TENT4B: variants seen among roughly 807,000 people sequenced by gnomAD.
The protein encoded by TENT4B is terminal nucleotidyltransferase 4B.
TENT4B carries 10 observed loss-of-function variants against 75.0 expected under a neutral mutation model. The ratio of observed to expected loss-of-function variants is 0.13; its 90% CI spans 0.08 to 0.23. The LOEUF is 0.23. Among genes scored for constraint, TENT4B ranks in the 10% least tolerant of loss-of-function variants. The probability of loss-of-function intolerance (pLI) is 1.00; values close to 1 mark genes in which losing one functional copy is unlikely to be tolerated. For missense variants in TENT4B, 579 were observed against 893.8 expected (o/e 0.65, Z 4.49); for synonymous variants, 350 against 357.7 (o/e 0.98, Z 0.24).
At chr16:50,199,800 G>A (rs1253087000) in intron 1 of TENT4B, among the ~76,000 whole-genome samples, 1 of 152,080 alleles carries the variant, frequency 6.6e-6, no homozygotes, top group African/African-American at 2.4e-5. Context: ...TCCAAGTTTT[G>A]ATAATTTAAA....
intron 10 of TENT4B, among the ~76,000 whole-genome samples, chr16:50,226,696 G>A (rs542975220): frequency 1.6e-4 from 24 of 152,140 alleles, no homozygotes; most frequent in Non-Finnish European, 1.3e-4. Context: ...GATTACAGGC[G>A]TGAGCCACCA....
At chr16:50,228,147 T>C in intron 11 of TENT4B, 144 bp downstream of exon 11, 2 of 1,028,520 alleles carry the variant, frequency 1.9e-6, no homozygotes, top group Non-Finnish European at 2.8e-6. Flanking sequence ...TTCCAACACA[T>C]GACAGTGCTT....
At chr16:50,215,422 T>C (rs550998164) in intron 3 of TENT4B, among the ~76,000 whole-genome samples, 6 of 152,312 alleles carry the variant, frequency 3.9e-5, no homozygotes, top group Non-Finnish European at 8.8e-5. Context: ...ATTTAGGTTG[T>C]CAGCATCAGT....
chr16:50,161,159 G>T (rs974407918), intron 1 of TENT4B, among the ~76,000 whole-genome samples: 4 of 152,190 alleles, frequency 2.6e-5, no homozygotes, highest in Admixed American at 6.5e-5. Flanking sequence ...CTATTCTTAA[G>T]ATTACACGTA....
Position 50,181,887 on chromosome 16 carries a change from C to T in TENT4B, c.638+27628C>T, listed in dbSNP as rs144501145. Among the ~76,000 whole-genome samples, 16 of 152,278 alleles carry T rather than the reference C, an allele frequency of 1.1e-4. No individual in the cohort carries two copies. In the East Asian group the frequency reaches 2.7e-3, roughly 26 times the overall value. ...TGTGTGCTAGTCACTGACCTGGAAACATTTTATTAAAAATGCTAGATTAGG... is the reference window on the plus strand; with the variant it reads ...TGTGTGCTAGTCACTGACCTGGAAATATTTTATTAAAAATGCTAGATTAGG... On this transcript the variant is annotated intron_variant, in intron 1 of 11. Coordinates refer to ENST00000561678, the MANE Select transcript of TENT4B (RefSeq NM_001365324.3).
intron 1 of TENT4B, among the ~76,000 whole-genome samples, chr16:50,161,327 A>G (rs1297369700): frequency 6.6e-6 from 1 of 152,202 alleles, no homozygotes; most frequent in Non-Finnish European, 1.5e-5. Context: ...TTTTTGGGAA[A>G]AAAGCTGAAT....
intron 1 of TENT4B, among the ~76,000 whole-genome samples, chr16:50,158,684 C>G (rs2037946910): frequency 6.6e-6 from 1 of 152,128 alleles, no homozygotes; most frequent in South Asian, 2.1e-4. Flanking sequence ...GCTGTACTGC[C>G]AGATCTGTAG....
At chr16:50,159,168 A>G (rs185569224) in intron 1 of TENT4B, among the ~76,000 whole-genome samples, 2 of 151,714 alleles carry the variant, frequency 1.3e-5, no homozygotes, top group African/African-American at 4.8e-5. Flanking sequence ...GCCTTTTTTC[A>G]GCACTGCATT....
Position 50,229,546 on chromosome 16 carries a change from A to T in TENT4B, c.*218A>T. The stretch of plus-strand genomic sequence containing the variant: ...AAAAAAGCAAGCAAAAAAGAGGGAA[A>T]AAAAAGGCTGCTTATTTGATAAGTC... On this transcript the variant is annotated 3_prime_UTR_variant, in exon 12 of 12. Transcript: ENST00000561678. The T allele has an allele frequency of 7.9e-7, 1 of 1,266,792 alleles. No homozygotes were observed. The highest frequency in any genetic ancestry group is 9.9e-7 in the Non-Finnish European group (1 of 1,010,394). 78.5% of individuals were successfully genotyped at this position (1,266,792 alleles called of 1,614,324 possible).
At chr16:50,169,779 C>T (rs973676802) in intron 1 of TENT4B, among the ~76,000 whole-genome samples, 4 of 152,142 alleles carry the variant, frequency 2.6e-5, no homozygotes, top group Non-Finnish European at 5.9e-5. Context: ...GTGCCCCATG[C>T]GTGCATGCAT....
At chr16:50,154,970 CT>C (rs1270354605) in intron 1 of TENT4B, among the ~76,000 whole-genome samples, 3 of 152,274 alleles carry the variant, frequency 2.0e-5, no homozygotes, top group Admixed American at 2.0e-4. Context: ...CCTGATAGAA[CT>C]TTCCAGGAGT....
At chr16:50,183,772 C>T (rs990217789) in intron 1 of TENT4B, among the ~76,000 whole-genome samples, 2 of 152,074 alleles carry the variant, frequency 1.3e-5, no homozygotes, top group African/African-American at 2.4e-5. Context: ...TGGCCAGGCG[C>T]GGTAGCTCAT....
At position 50,233,343 on chromosome 16, in the gene TENT4B, G is replaced by A. The variant is rs1243708459; in HGVS notation, c.*4015G>A. The A allele has an allele frequency of 2.0e-6, 2 of 985,244 alleles. No individual in the cohort carries two copies. Among genetic ancestry groups the A allele is most frequent in the African/African-American group, 1.7e-5 (1 of 57,202 alleles). The allele number at this position is 985,244 out of a possible 1,614,324, so 61.0% of individuals were successfully genotyped here. A position where few individuals can be genotyped will look rare whatever the true frequency, so the allele number is the denominator to read the frequency against. On this transcript the variant is annotated 3_prime_UTR_variant, in exon 12 of 12. Coordinates refer to ENST00000561678, the MANE Select transcript of TENT4B (RefSeq NM_001365324.3). ...ATTTGTGGGTAGAATAAGTGTTAAA[G>A]ATCAAATTTTAATATGCTTCTCGAT...
rs1940544676 is a variant in TENT4B at position 50,232,977 on chromosome 16, T to G, written c.*3649T>G. 1 of 984,250 alleles carries G rather than the reference T, an allele frequency of 1.0e-6. No homozygotes were observed. The highest frequency in any genetic ancestry group is 1.2e-6 in the Non-Finnish European group (1 of 828,918). 61.0% of individuals were successfully genotyped at this position (984,250 alleles called of 1,614,324 possible). On this transcript the variant is annotated 3_prime_UTR_variant, in exon 12 of 12. Transcript: ENST00000561678. ...GTGATAAATATTGAAATGTTAAAATTAATGAACAGAAGAATTTATTCTTAC... is the reference window on the plus strand; with the variant it reads ...GTGATAAATATTGAAATGTTAAAATGAATGAACAGAAGAATTTATTCTTAC...
chr16:50,183,428 G>A (rs976189768), intron 1 of TENT4B, among the ~76,000 whole-genome samples: 1 of 151,376 alleles, frequency 6.6e-6, no homozygotes, highest in Non-Finnish European at 1.5e-5. Flanking sequence ...GTTTTGAGAT[G>A]TATGACTGTG....
chr16:50,198,379 A>G (rs1370614981), intron 1 of TENT4B, among the ~76,000 whole-genome samples: 1 of 150,276 alleles, frequency 6.7e-6, no homozygotes, highest in Non-Finnish European at 1.5e-5. Flanking sequence ...AGATCACGCC[A>G]CTGCACTCCA....
chr16:50,226,695 C>T (rs775313687), intron 10 of TENT4B, among the ~76,000 whole-genome samples: 87 of 152,158 alleles, frequency 5.7e-4, no homozygotes, highest in Non-Finnish European at 1.1e-3. Flanking sequence ...GGATTACAGG[C>T]GTGAGCCACC....
chr16:50,205,622 G>T (rs2030917676), intron 1 of TENT4B, among the ~76,000 whole-genome samples: 2 of 118,978 alleles, frequency 1.7e-5, no homozygotes, highest in African/African-American at 7.2e-5. Context: ...ACAGAGTCTT[G>T]CTCTGTTATC....
At position 50,210,802 on chromosome 16, in the gene TENT4B, G is replaced by A. The variant is rs79805125; in HGVS notation, c.639-521G>A. On this transcript the variant is annotated intron_variant, in intron 1 of 11. Transcript: ENST00000561678. ...TAGCTGGCTGATTGCCCTGTACCTC[G>A]CAGGCTCTGGAAGTCTTCAGCTCCT... Among the ~76,000 whole-genome samples the A allele has an allele frequency of 9.7e-3, 1,479 of 152,292 alleles. 11 individuals carry two copies. The highest frequency in any genetic ancestry group is 0.017 in the Non-Finnish European group (1,139 of 68,022).
Sources: allele counts gnomAD v4.1 joint callset (sites outside exome capture counted in the v4.1 genomes callset), GRCh38; gene constraint gnomAD v4.1.1; transcripts MANE v1.5; gene names NCBI Gene and HGNC (gene_info 2026-07-23, HGNC 2026-07-21).